The following CCDC187 variants were observed in gnomAD, a reference collection of about 807,000 sequenced individuals.
The protein encoded by CCDC187 is coiled-coil domain-containing protein 187.
CCDC187 carries 32 observed loss-of-function variants against 38.0 expected under a neutral mutation model. That is an observed-to-expected ratio of 0.84 (90% CI 0.64 to 1.13). CCDC187 has a LOEUF of 1.13. Among genes scored for constraint, CCDC187 ranks in the 50% most tolerant of loss-of-function variants. The pLI is 0.00. For synonymous variants in CCDC187, 333 were observed against 347.9 expected (o/e 0.96, Z 0.48); for missense variants, 707 against 786.8 (o/e 0.90, Z 1.21).
chr9:136,294,199 C>G (rs1055457953), intron 4 of CCDC187, among the ~76,000 whole-genome samples: 18 of 151,678 alleles, frequency 1.2e-4, no homozygotes, highest in Admixed American at 2.0e-4. Context: ...CTCACATGTG[C>G]TCTCACACAC....
At position 136,250,455 on chromosome 9, in the gene CCDC187, TGGA is replaced by T. The variant is rs1437862282; in HGVS notation, c.*3136_*3138del. ...CTGCAAATCTGCGGGGCTTCAGTGG[TGGA>T]GATTTATCGTCATGCCAGATGCGTG... On this transcript the variant is annotated 3_prime_UTR_variant, in exon 26 of 26. Transcript: ENST00000638797. 8 of 304,798 alleles carry T rather than the reference TGGA, an allele frequency of 2.6e-5. No individual in the cohort carries two copies. The highest frequency in any genetic ancestry group is 8.8e-4 in the Middle Eastern group (1 of 1,130). 18.9% of individuals were successfully genotyped at this position (304,798 alleles called of 1,614,324 possible).
intron 3 of CCDC187, 115 bp downstream of exon 3, chr9:136,300,105 G>A (rs1831639935): frequency 2.5e-6 from 1 of 396,340 alleles, no homozygotes; most frequent in Non-Finnish European, 4.4e-6. Flanking sequence ...TCCAGTTGGG[G>A]TCCTCCCTGA....
At chr9:136,285,144 G>A (rs1223092501) in intron 9 of CCDC187, among the ~76,000 whole-genome samples, 2 of 152,064 alleles carry the variant, frequency 1.3e-5, no homozygotes, top group African/African-American at 4.8e-5. Flanking sequence ...AGCCCTGAGA[G>A]CTCAGGTGGG....
At chr9:136,273,934 C>T (rs939886355) in intron 14 of CCDC187, among the ~76,000 whole-genome samples, 3 of 152,240 alleles carry the variant, frequency 2.0e-5, no homozygotes, top group Admixed American at 6.5e-5. Flanking sequence ...GGTCTTGCCG[C>T]TCCATCCCTA....
intron 9 of CCDC187, 66 bp downstream of exon 9, chr9:136,285,445 AGG>A: frequency 3.0e-5 from 1 of 33,038 alleles, no homozygotes; most frequent in Non-Finnish European, 6.4e-5. Context: ...GCAGGTGGGC[AGG>A]TGGGCAGGTG....
At chr9:136,269,628 C>CA (rs1830807009) in intron 14 of CCDC187, among the ~76,000 whole-genome samples, 1 of 151,988 alleles carries the variant, frequency 6.6e-6, no homozygotes, top group Non-Finnish European at 1.5e-5. Context: ...AGCCTGGCAA[C>CA]AGAGTGAGAC....
At chr9:136,267,675 C>T in intron 15 of CCDC187, 164 bp from the exon 16 acceptor site, 5 of 942,370 alleles carry the variant, frequency 5.3e-6, no homozygotes, top group Non-Finnish European at 6.3e-6. Context: ...CCCCTCCCAT[C>T]CCCCTATGCC....
At position 136,257,271 on chromosome 9, in the gene CCDC187, G is replaced by T; in HGVS notation, c.4367-430C>A. On this transcript the variant is annotated intron_variant, in intron 22 of 25. Coordinates refer to ENST00000638797, the MANE Select transcript of CCDC187 (RefSeq NM_001378188.1). The surrounding 1 kb of genome is among the most constrained non-coding windows in gnomAD (Gnocchi z 4.5). The stretch of plus-strand genomic sequence containing the variant: ...GCCTATAATTCCAGCTACTCAGGAG[G>T]CTGAGGCAAAAGAATTGCTTGAACC... 6.6e-6 allele frequency among the ~76,000 whole-genome samples: 1 copy of T among 152,134 alleles called. No individual in the cohort carries two copies. Among genetic ancestry groups the T allele is most frequent in the Admixed American group, 6.5e-5 (1 of 15,282 alleles).
chr9:136,279,041 G>T (rs1266751170), intron 10 of CCDC187, among the ~76,000 whole-genome samples: 2 of 152,192 alleles, frequency 1.3e-5, no homozygotes, highest in Non-Finnish European at 2.9e-5. Context: ...TCTGGTCTAG[G>T]TGTTTAAATC....
upstream of CCDC187, among the ~76,000 whole-genome samples, chr9:136,305,798 C>T (rs1024652147): frequency 4.6e-5 from 7 of 152,254 alleles, no homozygotes; most frequent in Non-Finnish European, 8.8e-5. Flanking sequence ...CAGAGCATCG[C>T]GAGGTCCTGC....
At chr9:136,265,811 G>A (rs1163585686) in intron 17 of CCDC187, 145 bp downstream of exon 17, 1 of 234,536 alleles carries the variant, frequency 4.3e-6, no homozygotes, top group African/African-American at 2.3e-5. Flanking sequence ...TATACTTCGG[G>A]GTCCTGTATG....
intron 7 of CCDC187, 138 bp downstream of exon 7, chr9:136,289,821 A>G: frequency 2.5e-6 from 1 of 393,320 alleles, no homozygotes; most frequent in South Asian, 1.4e-4. Context: ...GTGGGCGGGC[A>G]GGGCAGAGCC....
chr9:136,296,860 G>T (rs1309134749), intron 4 of CCDC187, among the ~76,000 whole-genome samples: 2 of 152,300 alleles, frequency 1.3e-5, no homozygotes, highest in East Asian at 3.9e-4. Flanking sequence ...GGACTCTCCG[G>T]GAAACACGCA....
In CCDC187 at chr9:136,293,919, TAC is replaced by T. The variant is rs1315235933; in HGVS notation, c.833-1626_833-1625del. On this transcript the variant is annotated intron_variant, in intron 4 of 25. Coordinates refer to ENST00000638797, the MANE Select transcript of CCDC187 (RefSeq NM_001378188.1). ...AACCACACACACTCATACACTCATA[TAC>T]ACACTCCCTCGTGCTCTCCCACACA... 2.9e-3 allele frequency among the ~76,000 whole-genome samples: 434 copies of T among 148,408 alleles called. 2 individuals carry two copies. The highest frequency in any genetic ancestry group is 4.7e-3 in the Non-Finnish European group (315 of 66,972).
chr9:136,289,905 G>GCC, intron 7 of CCDC187, 54 bp downstream of exon 7: 3 of 312,880 alleles, frequency 9.6e-6, no homozygotes, highest in South Asian at 1.8e-4. Context: ...AACTGTTCTT[G>GCC]GCCCCCCCCA....
At chr9:136,299,763 C>T (rs1025896323) in intron 3 of CCDC187, among the ~76,000 whole-genome samples, 73 of 152,184 alleles carry the variant, frequency 4.8e-4, no homozygotes, top group Non-Finnish European at 6.6e-4. Context: ...CCTGGGAGCC[C>T]GCCAACGGTT....
intron 4 of CCDC187, among the ~76,000 whole-genome samples, chr9:136,292,836 CGGT>C (rs1355363675): frequency 6.6e-6 from 1 of 152,216 alleles, no homozygotes; most frequent in East Asian, 1.9e-4. Context: ...GGGTGGGCAG[CGGT>C]GAAGGCTCCC....
intron 14 of CCDC187, among the ~76,000 whole-genome samples, chr9:136,271,558 A>G (rs1830840079): frequency 6.6e-6 from 1 of 151,938 alleles, no homozygotes; most frequent in African/African-American, 2.4e-5. Context: ...TAACAATAAC[A>G]AAGGACATCA....
In CCDC187 at chr9:136,258,202, C is replaced by A. The variant is rs1830637529; in HGVS notation, c.4366+730G>T. On this transcript the variant is annotated intron_variant, in intron 22 of 25. Transcript: ENST00000638797. This position sits in a 1 kb window ranked among gnomAD's most constrained non-coding sequence, Gnocchi z 4.3. ...TCACTGGCCTCTCCAGGGAGCCCCA[C>A]CAGCCACGCTCTCCTGGGCAGCCCC... Among the ~76,000 whole-genome samples the A allele has an allele frequency of 6.6e-6, 1 of 152,216 alleles. No homozygotes were observed.
Sources: allele counts gnomAD v4.1 joint callset (sites outside exome capture counted in the v4.1 genomes callset), GRCh38; gene constraint gnomAD v4.1.1; non-coding constraint Gnocchi (gnomAD v3.1); transcripts MANE v1.5; gene names NCBI Gene and HGNC (gene_info 2026-07-23, HGNC 2026-07-21).